Variants in CHD1 observed in about 807,000 individuals in gnomAD.
CHD1 encodes the protein chromodomain helicase DNA binding protein 1.
A neutral mutation model predicts 224.2 loss-of-function variants in CHD1; 36 were observed. The observed-to-expected ratio is 0.16, with a 90% confidence interval of 0.12 to 0.21. The LOEUF is 0.21. Ranked by LOEUF, CHD1 falls within the 10% of genes least tolerant of loss-of-function variation. The probability of loss-of-function intolerance (pLI) is 1.00; values close to 1 mark genes in which losing one functional copy is unlikely to be tolerated. For missense variants in CHD1, 1,378 were observed against 1,994.8 expected (o/e 0.69, Z 5.89); for synonymous variants, 668 against 658.3 (o/e 1.01, Z -0.23).
chr5:98,870,579 T>C (rs1749256797), intron 29 of CHD1, 108 bp downstream of exon 29: 2 of 526,228 alleles, frequency 3.8e-6, no homozygotes, highest in African/African-American at 3.9e-5. Flanking sequence ...TACAGAAAAA[T>C]CCATTTATAT....
intron 7 of CHD1, among the ~76,000 whole-genome samples, 197 bp from the exon 8 acceptor site, chr5:98,899,902 C>T (rs560537441): frequency 6.6e-6 from 1 of 152,228 alleles, no homozygotes; most frequent in East Asian, 1.9e-4. Flanking sequence ...TAATCCCCTC[C>T]TTTTTCGAAT....
At chr5:98,927,515 CA>C (rs1362045180) in intron 1 of CHD1, among the ~76,000 whole-genome samples, 2 of 152,148 alleles carry the variant, frequency 1.3e-5, no homozygotes, top group Admixed American at 1.3e-4. Context: ...TCAATGATAG[CA>C]AAGTCTGCAT....
intron 23 of CHD1, 129 bp downstream of exon 23, chr5:98,879,423 C>T: frequency 1.5e-6 from 1 of 679,218 alleles, no homozygotes; most frequent in East Asian, 3.0e-5. Context: ...TTTCATGAGG[C>T]AAACATTATC....
chr5:98,859,892 TAATC>T (rs1266708159), intron 33 of CHD1, 76 bp downstream of exon 33: 3 of 696,616 alleles, frequency 4.3e-6, no homozygotes, highest in African/African-American at 3.7e-5. Flanking sequence ...CTGTATTTAT[TAATC>T]AAACTGCTCT....
chr5:98,881,744 A>T (rs1750206622), intron 20 of CHD1, among the ~76,000 whole-genome samples: 1 of 152,190 alleles, frequency 6.6e-6, no homozygotes, highest in Admixed American at 6.5e-5. Context: ...TTTTAAAATA[A>T]GGAACTTGAA....
intron 2 of CHD1, among the ~76,000 whole-genome samples, chr5:98,914,151 G>C (rs1752598519): frequency 6.6e-6 from 1 of 152,146 alleles, no homozygotes; most frequent in Admixed American, 6.5e-5. Context: ...GGTGATGTGT[G>C]ATTTCTACAT....
intron 2 of CHD1, among the ~76,000 whole-genome samples, chr5:98,923,145 T>C (rs972818883): frequency 1.3e-5 from 2 of 152,098 alleles, no homozygotes; most frequent in African/African-American, 4.8e-5. Context: ...CAAAAGCTTC[T>C]GGGGAAGGGA....
intron 2 of CHD1, among the ~76,000 whole-genome samples, chr5:98,905,696 A>G (rs894600225): frequency 6.6e-6 from 1 of 152,220 alleles, no homozygotes; most frequent in African/African-American, 2.4e-5. Flanking sequence ...TCACTTATTA[A>G]TAAGTTCTTT....
In CHD1 at chr5:98,904,960, A is replaced by G. The variant is rs1379008804; in HGVS notation, c.192T>C (p.Ser64=). The G allele has an allele frequency of 6.2e-7, 1 of 1,612,246 alleles. No individual in the cohort carries two copies. Among genetic ancestry groups the G allele is most frequent in the Admixed American group, 1.7e-5 (1 of 60,024 alleles). ...TGTTTTCTCGGGAAGTGTCTGACTCAGACTCTGACTGACTGCCTGATTCAG... is the reference window on the plus strand; with the variant it reads ...TGTTTTCTCGGGAAGTGTCTGACTCGGACTCTGACTGACTGCCTGATTCAG... ...SGSESGSQSE[S]ESDTSRENKV... Residue 64 remains serine, a synonymous_variant, in exon 3 of 36, where the codon TCT becomes TCC. Coordinates refer to ENST00000614616, the MANE Select transcript of CHD1 (RefSeq NM_001270.4).
In CHD1 at chr5:98,866,351, A is replaced by G. The variant is rs543462163; in HGVS notation, c.4248+2144T>C. On this transcript the variant is annotated intron_variant, in intron 31 of 35. Coordinates refer to ENST00000614616, the MANE Select transcript of CHD1 (RefSeq NM_001270.4). ...GAGAACAAGAGGATGGTAAAAAACC[A>G]ATATATTTAAAGAGCATGAACAATA... Among the ~76,000 whole-genome samples the G allele has an allele frequency of 3.3e-5, 5 of 152,314 alleles. No homozygotes were observed. The South Asian group carries it at 1.0e-3, about 32-fold the overall frequency.
chr5:98,868,331 GAAAAAAA>G (rs58475767), intron 31 of CHD1, among the ~76,000 whole-genome samples, 157 bp downstream of exon 31: 1 of 91,686 alleles, frequency 1.1e-5, no homozygotes, highest in African/African-American at 3.8e-5. Flanking sequence ...ACTCAAAAAA[GAAAAAAA>G]AAAAAAAAAA....
In CHD1 at chr5:98,926,327, T is replaced by C. The variant is rs1425118189; in HGVS notation, c.53+7A>G. The C allele has an allele frequency of 2.7e-6, 4 of 1,501,288 alleles. No homozygotes were observed. Among genetic ancestry groups the C allele is most frequent in the Non-Finnish European group, 3.6e-6 (4 of 1,112,200 alleles). The allele number at this position is 1,501,288 out of a possible 1,614,324, so 93.0% of individuals were successfully genotyped here. The stretch of plus-strand genomic sequence containing the variant: ...AGTAAACAATTGATAACAAAGTGCT[T>C]ACTTACCTTGATTCTCCACTACTGT... On this transcript the variant is annotated splice_region_variant and intron_variant, in intron 2 of 35. Transcript: ENST00000614616.
intron 2 of CHD1, among the ~76,000 whole-genome samples, chr5:98,918,753 CA>C (rs35829200): frequency 0.039 from 2,540 of 64,500 alleles, 33 homozygotes; most frequent in South Asian, 0.064. Flanking sequence ...CAAGACTCTT[CA>C]AAAAAAAAAA....
intron 28 of CHD1, 133 bp downstream of exon 28, chr5:98,871,918 C>T (rs554356840): frequency 3.5e-5 from 23 of 665,538 alleles, no homozygotes; most frequent in Admixed American, 6.1e-5. Flanking sequence ...ATCTTCTAAA[C>T]GCACCAAGGT....
At chr5:98,886,444 G>A (rs1379732037) in intron 17 of CHD1, among the ~76,000 whole-genome samples, 1 of 152,138 alleles carries the variant, frequency 6.6e-6, no homozygotes, top group Non-Finnish European at 1.5e-5. Flanking sequence ...ACAACATACT[G>A]AACGCTTATT....
At chr5:98,867,933 G>A (rs1313417988) in intron 31 of CHD1, among the ~76,000 whole-genome samples, 1 of 151,238 alleles carries the variant, frequency 6.6e-6, no homozygotes, top group Non-Finnish European at 1.5e-5. Context: ...CTCCCGAGTA[G>A]CTGAGATTAC....
chr5:98,887,549 T>C (rs1367611128), intron 17 of CHD1, among the ~76,000 whole-genome samples: 1 of 152,188 alleles, frequency 6.6e-6, no homozygotes, highest in Admixed American at 6.5e-5. Context: ...CTTTAAATAC[T>C]CATCAATATT....
chr5:98,886,280 C>G (rs966115478), intron 17 of CHD1: 5 of 152,182 alleles, frequency 3.3e-5, no homozygotes, highest in Non-Finnish European at 4.4e-5. Context: ...ATTTTATTCA[C>G]TTGGTATCTT....
In CHD1 at chr5:98,889,242, A is replaced by T; in HGVS notation, c.2181-4T>A. 9.2e-7 allele frequency: 1 copy of T among 1,085,726 alleles called. No homozygotes were observed. Among genetic ancestry groups the T allele is most frequent in the Non-Finnish European group, 1.2e-6 (1 of 801,982 alleles). 67.3% of individuals were successfully genotyped at this position (1,085,726 alleles called of 1,614,324 possible). A position where few individuals can be genotyped will look rare whatever the true frequency, so the allele number is the denominator to read the frequency against. On this transcript the variant is annotated splice_region_variant and splice_polypyrimidine_tract_variant and intron_variant, in intron 15 of 35. Coordinates refer to ENST00000614616, the MANE Select transcript of CHD1 (RefSeq NM_001270.4). ...GTAATTCCTAGTTAAAATCCATCTTAAAAAAAAAAATTATGAAAACGATGT... is the reference window on the plus strand; with the variant it reads ...GTAATTCCTAGTTAAAATCCATCTTTAAAAAAAAAATTATGAAAACGATGT...
Sources: gnomAD v4.1 joint callset for allele counts (sites outside exome capture counted in the v4.1 genomes callset) on GRCh38, gnomAD v4.1.1 for gene constraint, MANE v1.5 for transcripts, NCBI Gene and HGNC (gene_info 2026-07-23, HGNC 2026-07-21) for gene names.